RPH3A: variants seen among roughly 807,000 people sequenced by gnomAD.
RPH3A encodes rabphilin 3A, also known as rabphilin-3A.
In RPH3A, 48 loss-of-function variants were observed where a neutral mutation model predicts 102.2. The observed-to-expected ratio is 0.47, with a 90% CI of 0.37 to 0.60. The LOEUF (loss-of-function observed/expected upper bound fraction) is 0.60. Among genes scored for constraint, RPH3A ranks in the 20% least tolerant of loss-of-function variants. The pLI is 0.00. For synonymous variants in RPH3A, 310 were observed against 324.3 expected (o/e 0.96, Z 0.47); for missense variants, 781 against 910.1 (o/e 0.86, Z 1.83).
At chr12:112,781,189 C>A (rs536258344) in intron 1 of RPH3A, among the ~76,000 whole-genome samples, 3 of 81,556 alleles carry the variant, frequency 3.7e-5, no homozygotes, top group South Asian at 4.6e-4. Context: ...AACAAAAAAA[C>A]CAAAACAACA....
At chr12:112,826,972 G>A (rs1350140782) in intron 2 of RPH3A, among the ~76,000 whole-genome samples, 1 of 152,148 alleles carries the variant, frequency 6.6e-6, no homozygotes, top group East Asian at 1.9e-4. Flanking sequence ...GTATATACCT[G>A]AGTAGAATTC....
chr12:112,789,650 A>G (rs141920404), upstream of RPH3A, among the ~76,000 whole-genome samples: 64 of 152,210 alleles, frequency 4.2e-4, no homozygotes, highest in African/African-American at 1.5e-3. Flanking sequence ...GAGCTGGCAC[A>G]TAGTAGGTTT....
intron 1 of RPH3A, among the ~76,000 whole-genome samples, chr12:112,727,974 AC>A (rs1395713708): frequency 6.6e-6 from 1 of 152,090 alleles, no homozygotes; most frequent in Non-Finnish European, 1.5e-5. Flanking sequence ...GTATATAAAA[AC>A]CCATGAATAT....
At chr12:112,683,864 A>T (rs1317618073) in intron 1 of RPH3A, among the ~76,000 whole-genome samples, 1 of 152,136 alleles carries the variant, frequency 6.6e-6, no homozygotes, top group Non-Finnish European at 1.5e-5. Flanking sequence ...CCTAGGAGAG[A>T]GGGGCAGGAC....
intron 1 of RPH3A, among the ~76,000 whole-genome samples, chr12:112,712,905 T>G (rs1055980099): frequency 2.2e-5 from 2 of 92,188 alleles, no homozygotes; most frequent in Non-Finnish European, 4.2e-5. Context: ...TTCTTCTTCC[T>G]CTTCTTCTTC....
chr12:112,828,307 T>A lies in RPH3A; in HGVS notation c.-12T>A. The stretch of plus-strand genomic sequence containing the variant: ...CTGGATTGATGTTTTCCAGGAGCAC[T>A]AGACATCTACTATGACTGACACCGT... On this transcript the variant is annotated 5_prime_UTR_variant, in exon 3 of 22. Transcript: ENST00000389385. 6.2e-7 allele frequency: 1 copy of A among 1,609,824 alleles called. No homozygotes were observed. Among genetic ancestry groups the A allele is most frequent in the African/African-American group, 1.3e-5 (1 of 74,864 alleles).
chr12:112,772,491 T>C (rs561179196), intron 1 of RPH3A, among the ~76,000 whole-genome samples: 1 of 152,242 alleles, frequency 6.6e-6, no homozygotes, highest in South Asian at 2.1e-4. Flanking sequence ...TCATCCCCAG[T>C]AGAAAGCCTG....
intron 2 of RPH3A, among the ~76,000 whole-genome samples, chr12:112,805,089 C>T (rs779118905): frequency 6.6e-5 from 10 of 152,094 alleles, no homozygotes; most frequent in Non-Finnish European, 1.0e-4. Flanking sequence ...GCTTATTTAA[C>T]GTTAAAATAT....
chr12:112,804,165 A>T (rs2041411655), intron 2 of RPH3A, among the ~76,000 whole-genome samples: 1 of 152,226 alleles, frequency 6.6e-6, no homozygotes, highest in Non-Finnish European at 1.5e-5. Context: ...ATTTCCCAAG[A>T]TTGCAAGATT....
At chr12:112,810,765 AAAAT>A (rs2041557744) in intron 2 of RPH3A, among the ~76,000 whole-genome samples, 1 of 152,236 alleles carries the variant, frequency 6.6e-6, no homozygotes, top group African/African-American at 2.4e-5. Context: ...TCTGAAAAAT[AAAAT>A]AGATAACAGC....
chr12:112,789,765 C>T (rs1223175518), upstream of RPH3A, among the ~76,000 whole-genome samples: 2 of 151,372 alleles, frequency 1.3e-5, no homozygotes, highest in Non-Finnish European at 2.9e-5. Context: ...ATAATCATCA[C>T]TATGATTACC....
At chr12:112,661,426 G>A (rs142036759) in intron 1 of RPH3A, among the ~76,000 whole-genome samples, 1 of 152,326 alleles carries the variant, frequency 6.6e-6, no homozygotes, top group African/African-American at 2.4e-5. Context: ...TCTTAGGCAG[G>A]TGTGTGGATT....
intron 1 of RPH3A, among the ~76,000 whole-genome samples, chr12:112,668,797 A>G (rs772948626): frequency 6.6e-6 from 1 of 152,176 alleles, no homozygotes; most frequent in Non-Finnish European, 1.5e-5. Context: ...CATGTTCAGC[A>G]TATGTATTCC....
intron 1 of RPH3A, among the ~76,000 whole-genome samples, chr12:112,770,891 TGTGTTTGTTTGTTGC>T: frequency 6.6e-6 from 1 of 152,126 alleles, no homozygotes; most frequent in South Asian, 2.1e-4. Context: ...TTTCAGTGAA[TGTGTTTGTTTGTTGC>T]TTTCAGGTAT....
At chr12:112,776,883 A>C (rs1272434561) in intron 1 of RPH3A, among the ~76,000 whole-genome samples, 1,522 of 11,430 alleles carry the variant, frequency 0.13, 323 homozygotes, top group African/African-American at 0.26. Flanking sequence ...CAAAAAAAAA[A>C]AAAAAAAAAA....
chr12:112,844,947 C>A (rs2136185137), intron 4 of RPH3A, among the ~76,000 whole-genome samples: 1 of 152,316 alleles, frequency 6.6e-6, no homozygotes, highest in East Asian at 1.9e-4. Flanking sequence ...CAGTTTGGTG[C>A]TAGCTGTTGG....
chr12:112,713,067 C>T (rs1425760502), intron 1 of RPH3A, among the ~76,000 whole-genome samples: 3 of 119,608 alleles, frequency 2.5e-5, no homozygotes, highest in East Asian at 2.3e-4. Flanking sequence ...TCTTCTTCTT[C>T]TTCTTCTTCT....
rs149185741 is a variant in RPH3A, at chr12:112,673,562, A to G, written c.-140+98243A>G. Among the ~76,000 whole-genome samples the G allele has an allele frequency of 6.4e-3, 975 of 152,142 alleles. 8 individuals are homozygous for G. The highest frequency in any genetic ancestry group is 0.022 in the African/African-American group (895 of 41,506). On this transcript the variant is annotated intron_variant, in intron 1 of 21. Transcript: ENST00000543106. The stretch of plus-strand genomic sequence containing the variant: ...CTAAAAAAAAAAAATCCGTGGGTAC[A>G]TAGTAGGTGTGTATATTTATGGGGT...
At chr12:112,735,885 C>A (rs1402873886) in intron 1 of RPH3A, among the ~76,000 whole-genome samples, 2 of 152,206 alleles carry the variant, frequency 1.3e-5, no homozygotes, top group African/African-American at 2.4e-5. Context: ...TCCTACCCTA[C>A]TTTATTACTC....
Sources: gnomAD v4.1 joint callset for allele counts (sites outside exome capture counted in the v4.1 genomes callset) on GRCh38, gnomAD v4.1.1 for gene constraint, MANE v1.5 for transcripts, NCBI Gene and HGNC (gene_info 2026-07-23, HGNC 2026-07-21) for gene names.